CDH12: variants seen among roughly 807,000 people sequenced by gnomAD.
The protein encoded by CDH12 is cadherin-12.
Under a neutral mutation model 74.1 loss-of-function variants are expected in CDH12, and 41 were observed. That is an observed-to-expected ratio of 0.55 (90% CI 0.43 to 0.72). The LOEUF is 0.72. Ranked by LOEUF, CDH12 falls within the 30% of genes least tolerant of loss-of-function variation. The pLI, the probability that CDH12 is intolerant of heterozygous loss-of-function variation, is 0.00. For synonymous variants in CDH12, 399 were observed against 355.0 expected, an observed-to-expected ratio of 1.12 and a Z score of -1.39; for missense variants, 945 against 977.2, an observed-to-expected ratio of 0.97 and a Z score of 0.44.
intron 6 of CDH12, among the ~76,000 whole-genome samples, chr5:21,908,487 T>G (rs935753583): frequency 1.3e-5 from 2 of 152,200 alleles, no homozygotes; most frequent in African/African-American, 4.8e-5. Flanking sequence ...GTCTTCATTC[T>G]GGGGTTGATG....
intron 6 of CDH12, among the ~76,000 whole-genome samples, chr5:21,945,408 A>G (rs1338217317): frequency 7.4e-6 from 1 of 134,704 alleles, no homozygotes; most frequent in Non-Finnish European, 1.6e-5. Context: ...CCTGGGCAAC[A>G]GAGTGAGACT....
At chr5:21,906,385 T>C (rs1170432665) in intron 6 of CDH12, among the ~76,000 whole-genome samples, 2 of 152,280 alleles carry the variant, frequency 1.3e-5, no homozygotes, top group African/African-American at 2.4e-5. Flanking sequence ...CTTTAGAATA[T>C]AGCAACACCT....
chr5:22,579,211 T>C (rs1739954684), intron 1 of CDH12, among the ~76,000 whole-genome samples: 1 of 152,154 alleles, frequency 6.6e-6, no homozygotes, highest in Non-Finnish European at 1.5e-5. Flanking sequence ...TGAATATTAG[T>C]TCCCTTAGGC....
intron 1 of CDH12, among the ~76,000 whole-genome samples, chr5:22,581,770 C>A (rs1460266008): frequency 1.3e-5 from 2 of 152,116 alleles, no homozygotes; most frequent in African/African-American, 4.8e-5. Flanking sequence ...ATAGGTTTTC[C>A]TTTATATGTT....
chr5:22,434,876 T>C (rs1190243704), intron 2 of CDH12, among the ~76,000 whole-genome samples: 2 of 152,170 alleles, frequency 1.3e-5, no homozygotes, highest in Non-Finnish European at 2.9e-5. Flanking sequence ...TTCCTTCCTA[T>C]TGAAATTGCC....
intron 1 of CDH12, among the ~76,000 whole-genome samples, chr5:22,717,870 C>T (rs555003169): frequency 2.9e-4 from 44 of 151,980 alleles, no homozygotes; most frequent in Admixed American, 5.9e-4. Flanking sequence ...TCAGACAGAC[C>T]TTGTGTCCTG....
At chr5:22,346,273 C>A (rs893595139) in intron 3 of CDH12, among the ~76,000 whole-genome samples, 1 of 152,060 alleles carries the variant, frequency 6.6e-6, no homozygotes, top group African/African-American at 2.4e-5. Flanking sequence ...CTTCTTTGTT[C>A]ACACAATCCC....
intron 1 of CDH12, among the ~76,000 whole-genome samples, chr5:22,708,229 G>T (rs559562918): frequency 1.3e-5 from 2 of 152,130 alleles, no homozygotes; most frequent in Non-Finnish European, 2.9e-5. Flanking sequence ...AGTTCACTCT[G>T]TATTAAGCAC....
intron 4 of CDH12, among the ~76,000 whole-genome samples, chr5:22,164,206 G>A (rs1276463186): frequency 6.6e-6 from 1 of 152,178 alleles, no homozygotes; most frequent in African/African-American, 2.4e-5. Flanking sequence ...CATGCTCTCT[G>A]ACTTGGGGTT....
intron 6 of CDH12, among the ~76,000 whole-genome samples, chr5:21,907,959 C>T (rs1753712776): frequency 6.6e-6 from 1 of 152,188 alleles, no homozygotes; most frequent in African/African-American, 2.4e-5. Flanking sequence ...ATGCCCAGTA[C>T]ATTGCAACTG....
At chr5:22,328,628 AT>A (rs1178890829) in intron 3 of CDH12, among the ~76,000 whole-genome samples, 1 of 152,244 alleles carries the variant, frequency 6.6e-6, no homozygotes, top group Non-Finnish European at 1.5e-5. Context: ...TTGGAGAGCC[AT>A]TTGTGCCATA....
At chr5:22,385,446 A>G (rs948163655) in intron 3 of CDH12, among the ~76,000 whole-genome samples, 2 of 152,118 alleles carry the variant, frequency 1.3e-5, no homozygotes, top group South Asian at 2.1e-4. Flanking sequence ...CTTTCGGAAA[A>G]CTTCCTAGAA....
intron 1 of CDH12, among the ~76,000 whole-genome samples, chr5:22,838,363 C>A (rs1305212386): frequency 6.6e-6 from 1 of 152,156 alleles, no homozygotes; most frequent in Non-Finnish European, 1.5e-5. Context: ...GTGCTTCAGG[C>A]AGCAAAGAGA....
In CDH12 at chr5:22,540,930, G is replaced by A. The variant is rs753857976; in HGVS notation, c.-522-35566C>T. On this transcript the variant is annotated intron_variant, in intron 1 of 14. Transcript: ENST00000382254. ...TCAATTAATTACCCACACCTGTCTC[G>A]TGTTTTGAAGTCTCATATTTGAAAT... Among the ~76,000 whole-genome samples, 220 of 152,208 alleles carry A rather than the reference G, an allele frequency of 1.4e-3. 1 individual carries two copies. The highest frequency in any genetic ancestry group is 3.4e-3 in the Middle Eastern group (1 of 294).
chr5:22,283,232 AT>A (rs1317898325), intron 3 of CDH12, among the ~76,000 whole-genome samples: 2 of 56,366 alleles, frequency 3.5e-5, no homozygotes, highest in African/African-American at 1.2e-4. Context: ...ATATATATAT[AT>A]ATATATATAT....
chr5:22,836,517 C>T (rs1326389223), intron 1 of CDH12, among the ~76,000 whole-genome samples: 1 of 152,040 alleles, frequency 6.6e-6, no homozygotes, highest in Non-Finnish European at 1.5e-5. Context: ...GCATGAGCCA[C>T]TGCGCCCAGC....
In CDH12 at chr5:22,500,920, A is replaced by ATTT. The variant is rs137998465; in HGVS notation, c.-428+4347_-428+4349dup. Among the ~76,000 whole-genome samples the ATTT allele has an allele frequency of 8.8e-3, 1,326 of 150,116 alleles. 22 individuals carry two copies. Among genetic ancestry groups the ATTT allele is most frequent in the African/African-American group, 0.031 (1,260 of 40,954 alleles). On this transcript the variant is annotated intron_variant, in intron 2 of 14. Transcript: ENST00000382254. ...TTCTCTTCATCACTCCTGCAGTATA[A>ATTT]TTTTTTTTTTCTGATTAGGACAAAA... is the stretch of plus-strand genomic sequence containing the variant.
chr5:22,256,812 A>G (rs1341716210), intron 3 of CDH12, among the ~76,000 whole-genome samples: 1 of 152,160 alleles, frequency 6.6e-6, no homozygotes, highest in East Asian at 1.9e-4. Context: ...AAAAATAAAA[A>G]GTGGACCCAG....
At chr5:22,806,840 T>C (rs1285020381) in intron 1 of CDH12, among the ~76,000 whole-genome samples, 2 of 152,166 alleles carry the variant, frequency 1.3e-5, no homozygotes, top group Non-Finnish European at 2.9e-5. Flanking sequence ...TCTTGTAAAT[T>C]TGTTTAAGTT....
Sources: gnomAD v4.1 joint callset for allele counts (sites outside exome capture counted in the v4.1 genomes callset) on GRCh38, gnomAD v4.1.1 for gene constraint, MANE v1.5 for transcripts, NCBI Gene and HGNC (gene_info 2026-07-23, HGNC 2026-07-21) for gene names.